The following NPAS3 variants were observed in gnomAD, a reference collection of about 807,000 sequenced individuals.
The protein encoded by NPAS3 is neuronal PAS domain protein 3.
Under a neutral mutation model 73.1 loss-of-function variants are expected in NPAS3, and 14 were observed. That is an observed-to-expected ratio of 0.19 (90% confidence interval 0.13 to 0.30). The LOEUF is 0.30. NPAS3 is among the 10% of genes least tolerant of loss of function. The pLI is 1.00. For missense variants in NPAS3, 1,096 were observed against 1,250.0 expected, an observed-to-expected ratio of 0.88 and a Z score of 1.86; for synonymous variants, 620 against 541.5, an observed-to-expected ratio of 1.14 and a Z score of -2.01.
chr14:33,055,292 C>T (rs948635489), intron 1 of NPAS3, among the ~76,000 whole-genome samples: 1 of 152,174 alleles, frequency 6.6e-6, no homozygotes, highest in South Asian at 2.1e-4. Flanking sequence ...TGCCAAGAAA[C>T]CTGGAGCCAC....
At chr14:33,640,343 C>A (rs2058643610) in intron 5 of NPAS3, among the ~76,000 whole-genome samples, 1 of 152,098 alleles carries the variant, frequency 6.6e-6, no homozygotes, top group Non-Finnish European at 1.5e-5. Flanking sequence ...AGGCAAGTGG[C>A]CTGTAATATT....
chr14:33,022,998 T>C (rs2039665917), intron 1 of NPAS3, among the ~76,000 whole-genome samples: 1 of 151,960 alleles, frequency 6.6e-6, no homozygotes. Context: ...TGTTAACAGT[T>C]TTACAAAAAG....
chr14:33,784,747 T>A (rs1184811653), intron 9 of NPAS3, among the ~76,000 whole-genome samples: 7 of 103,038 alleles, frequency 6.8e-5, no homozygotes, highest in East Asian at 2.5e-4. Flanking sequence ...ATTTATTTAT[T>A]TTTTTTTTTT....
intron 7 of NPAS3, among the ~76,000 whole-genome samples, chr14:33,742,360 G>A (rs981114990): frequency 3.3e-5 from 5 of 152,220 alleles, no homozygotes; most frequent in Admixed American, 2.0e-4. Flanking sequence ...GTTTGGTTCC[G>A]ACCACGACAA....
At chr14:33,098,925 C>G (rs1175415175) in intron 2 of NPAS3, among the ~76,000 whole-genome samples, 1 of 152,186 alleles carries the variant, frequency 6.6e-6, no homozygotes, top group Admixed American at 6.5e-5. Flanking sequence ...TTGAGTGCTT[C>G]ACAAAGGTGC....
chr14:33,499,654 C>T (rs545274677), intron 4 of NPAS3, among the ~76,000 whole-genome samples: 1 of 152,038 alleles, frequency 6.6e-6, no homozygotes, highest in Admixed American at 6.6e-5. Context: ...TCCCAACTTG[C>T]TTAAATCTAG....
chr14:33,171,615 G>A (rs991824709), intron 2 of NPAS3, among the ~76,000 whole-genome samples: 5 of 152,200 alleles, frequency 3.3e-5, no homozygotes, highest in Admixed American at 1.3e-4. Context: ...TTTGGCTTAC[G>A]GGAATGTTGT....
chr14:33,268,786 T>C (rs1177466100), intron 3 of NPAS3, among the ~76,000 whole-genome samples: 5 of 152,174 alleles, frequency 3.3e-5, no homozygotes, highest in African/African-American at 1.2e-4. Flanking sequence ...GAAAGCTCAT[T>C]TGTATGTGTT....
In NPAS3 at chr14:33,035,602, T is replaced by C. The variant is rs192511918; in HGVS notation, c.51-20303T>C. ...TTTTGCAATTCAGGGCTTTGAAAAC[T>C]ATAACAGACATTAGGCAGAAACTTG... On this transcript the variant is annotated intron_variant, in intron 1 of 11. Transcript: ENST00000356141. Among the ~76,000 whole-genome samples the C allele has an allele frequency of 1.2e-4, 19 of 152,338 alleles. 1 individual carries two copies. The East Asian group carries it at 3.7e-3, about 29-fold the overall frequency.
chr14:33,340,328 C>G (rs1237531039), intron 3 of NPAS3, among the ~76,000 whole-genome samples: 2 of 152,114 alleles, frequency 1.3e-5, no homozygotes, highest in South Asian at 4.1e-4. Context: ...AACCCTGTCT[C>G]TACTAAAAAT....
intron 1 of NPAS3, among the ~76,000 whole-genome samples, chr14:33,055,604 AAG>A (rs2040860577): frequency 6.6e-6 from 1 of 152,198 alleles, no homozygotes; most frequent in African/African-American, 2.4e-5. Context: ...ATGGGAATTG[AAG>A]AGTGAGTTAA....
At chr14:33,684,480 TAG>T (rs773521022) in intron 6 of NPAS3, among the ~76,000 whole-genome samples, 18 of 151,964 alleles carry the variant, frequency 1.2e-4, no homozygotes, top group Non-Finnish European at 2.1e-4. Flanking sequence ...CCTAGATAAT[TAG>T]AGATGGGGTT....
intron 1 of NPAS3, among the ~76,000 whole-genome samples, chr14:32,940,710 CATA>C (rs2035955756): frequency 6.6e-6 from 1 of 152,182 alleles, no homozygotes; most frequent in Non-Finnish European, 1.5e-5. Flanking sequence ...TTTGATGCAA[CATA>C]ATATTTAACC....
chr14:32,961,758 C>T (rs2036930646), intron 1 of NPAS3, among the ~76,000 whole-genome samples: 1 of 152,094 alleles, frequency 6.6e-6, no homozygotes, highest in African/African-American at 2.4e-5. Context: ...GAAGATATAT[C>T]CCCATTTTAT....
intron 4 of NPAS3, among the ~76,000 whole-genome samples, chr14:33,557,872 G>C (rs543556561): frequency 6.6e-6 from 1 of 152,344 alleles, no homozygotes; most frequent in South Asian, 2.1e-4. Context: ...GGGAGGCTGA[G>C]GCAGGAGAAT....
intron 2 of NPAS3, among the ~76,000 whole-genome samples, chr14:33,128,055 C>G (rs1392650316): frequency 6.6e-6 from 1 of 152,056 alleles, no homozygotes; most frequent in Non-Finnish European, 1.5e-5. Flanking sequence ...TCTTTCAATT[C>G]TCTGAGAAAT....
At chr14:33,605,276 G>A (rs927713031) in intron 5 of NPAS3, among the ~76,000 whole-genome samples, 1 of 150,950 alleles carries the variant, frequency 6.6e-6, no homozygotes. Context: ...ATGCCCTTCC[G>A]CCATCAGTAT....
chr14:33,748,061 C>G (rs1870072215), intron 7 of NPAS3, among the ~76,000 whole-genome samples: 1 of 152,128 alleles, frequency 6.6e-6, no homozygotes, highest in African/African-American at 2.4e-5. Context: ...ATTCCTAGAA[C>G]AGTTTCAGGC....
At chr14:33,123,293 C>T (rs2043300126) in intron 2 of NPAS3, among the ~76,000 whole-genome samples, 1 of 151,988 alleles carries the variant, frequency 6.6e-6, no homozygotes, top group Non-Finnish European at 1.5e-5. Context: ...CTACTAGAGA[C>T]AAAGTGGGGA....
Sources: allele counts gnomAD v4.1 joint callset (sites outside exome capture counted in the v4.1 genomes callset), GRCh38; gene constraint gnomAD v4.1.1; transcripts MANE v1.5; gene names NCBI Gene and HGNC (gene_info 2026-07-23, HGNC 2026-07-21).